MORN3: variants seen among roughly 807,000 people sequenced by gnomAD.
MORN3 encodes the protein MORN repeat containing 3.
In MORN3, 38 loss-of-function variants were observed where a neutral mutation model predicts 34.7. That is an observed-to-expected ratio of 1.10 (90% CI 0.85 to 1.44). The LOEUF (loss-of-function observed/expected upper bound fraction) is 1.44. Among genes scored for constraint, MORN3 ranks in the 40% most tolerant of loss-of-function variants. The probability of loss-of-function intolerance (pLI) is 0.00; values close to 1 mark genes in which losing one functional copy is unlikely to be tolerated. For synonymous variants in MORN3, 109 were observed against 115.3 expected (o/e 0.95, Z 0.35); for missense variants, 311 against 321.7 (o/e 0.97, Z 0.25).
intron 1 of MORN3, among the ~76,000 whole-genome samples, chr12:121,665,764 CAAAA>C (rs59071462): frequency 2.0e-4 from 10 of 50,578 alleles, no homozygotes; most frequent in Non-Finnish European, 3.5e-4. Flanking sequence ...GACTCTGTCT[CAAAA>C]AAAAAAAAAA....
chr12:121,667,858 G>GGACT (rs1893819353), intron 1 of MORN3, among the ~76,000 whole-genome samples: 1 of 151,836 alleles, frequency 6.6e-6, no homozygotes, highest in African/African-American at 2.4e-5. Context: ...CGAGTAGCTG[G>GGACT]GACTACAGGC....
At chr12:121,668,722 C>CA (rs537738625) in intron 1 of MORN3, among the ~76,000 whole-genome samples, 18 of 149,698 alleles carry the variant, frequency 1.2e-4, no homozygotes, top group South Asian at 1.1e-3. Flanking sequence ...CTTGTCCCCT[C>CA]AAAAAAAAAG....
intron 1 of MORN3, among the ~76,000 whole-genome samples, chr12:121,661,876 A>G (rs963832321): frequency 6.6e-5 from 10 of 151,514 alleles, no homozygotes; most frequent in Non-Finnish European, 1.5e-4. Context: ...ACTGTGAAAG[A>G]AAGAAAGAGA....
At chr12:121,654,585 A>G in intron 2 of MORN3, 152 bp from the exon 3 acceptor site, 1 of 817,650 alleles carries the variant, frequency 1.2e-6, no homozygotes, top group South Asian at 2.0e-5. Context: ...TTAGCGGAGT[A>G]TCCTGTCTTT....
At chr12:121,658,301 T>C (rs1555325908) in intron 2 of MORN3, among the ~76,000 whole-genome samples, 2 of 151,948 alleles carry the variant, frequency 1.3e-5, no homozygotes, top group Admixed American at 1.3e-4. Context: ...GCGCGGTGGC[T>C]CACGCCTGTA....
At chr12:121,657,459 C>T (rs1893445064) in intron 2 of MORN3, among the ~76,000 whole-genome samples, 1 of 152,182 alleles carries the variant, frequency 6.6e-6, no homozygotes. Flanking sequence ...AGCTTTGACT[C>T]CCTGTGATTT....
upstream of MORN3, among the ~76,000 whole-genome samples, chr12:121,670,412 G>A (rs1173663573): frequency 5.9e-5 from 9 of 152,106 alleles, no homozygotes; most frequent in Admixed American, 5.9e-4. Flanking sequence ...GCAGTAAGCC[G>A]AGATCATGCC....
Position 121,649,651 on chromosome 12 carries a change from TG to T in MORN3, c.*1999del. ...TTTATTGAGGCTTTACTATGTGCTA[TG>T]TGCCTCTTGCTGAGGTCTTAGCTAG... On this transcript the variant is annotated 3_prime_UTR_variant, in exon 6 of 6. Transcript: ENST00000355329. The T allele has an allele frequency of 6.6e-6, 1 of 152,026 alleles. No homozygotes were observed. The highest frequency in any genetic ancestry group is 1.9e-4 in the East Asian group (1 of 5,180). 9.4% of individuals were successfully genotyped at this position (152,026 alleles called of 1,614,324 possible). A position where few individuals can be genotyped will look rare whatever the true frequency, so the allele number is the denominator to read the frequency against.
At chr12:121,659,870 G>A (rs1295898132) in intron 1 of MORN3, among the ~76,000 whole-genome samples, 2 of 151,850 alleles carry the variant, frequency 1.3e-5, no homozygotes, top group Non-Finnish European at 2.9e-5. Flanking sequence ...TCGCATGCCT[G>A]TCTTTTCCAG....
At chr12:121,656,981 C>G (rs577427160) in intron 2 of MORN3, among the ~76,000 whole-genome samples, 8 of 152,178 alleles carry the variant, frequency 5.3e-5, no homozygotes, top group Admixed American at 1.3e-4. Flanking sequence ...AAACCCTGGG[C>G]TCTACCACTT....
chr12:121,659,156 C>T, intron 2 of MORN3, 35 bp downstream of exon 2: 1 of 1,605,904 alleles, frequency 6.2e-7, no homozygotes, highest in Non-Finnish European at 8.5e-7. Flanking sequence ...CACACACACA[C>T]ACACACACAC....
In MORN3 at chr12:121,654,168, C is replaced by T. The variant is rs1157713366; in HGVS notation, c.463+106G>A. The T allele has an allele frequency of 3.9e-5, 35 of 896,190 alleles. No individual in the cohort carries two copies. The East Asian group carries it at 5.3e-4, about 14-fold the overall frequency. 55.5% of individuals were successfully genotyped at this position (896,190 alleles called of 1,614,324 possible). A position where few individuals can be genotyped will look rare whatever the true frequency, so the allele number is the denominator to read the frequency against. Reference sequence around the variant, plus strand: ...CATTGACACAAGGGTCAGTGTGGGACAAGAGTGTGGGGTGTGGCCTGTCTC... The same window carrying T: ...CATTGACACAAGGGTCAGTGTGGGATAAGAGTGTGGGGTGTGGCCTGTCTC... On this transcript the variant is annotated intron_variant, in intron 3 of 5. Coordinates refer to ENST00000355329, the MANE Select transcript of MORN3 (RefSeq NM_173855.5).
upstream of MORN3, among the ~76,000 whole-genome samples, chr12:121,671,174 G>A (rs1202216703): frequency 2.0e-5 from 3 of 150,760 alleles, no homozygotes; most frequent in East Asian, 2.0e-4. Context: ...TTGGGAGGCC[G>A]AGGCGGGTGG....
intron 2 of MORN3, among the ~76,000 whole-genome samples, chr12:121,658,403 G>A (rs1893473114): frequency 6.6e-6 from 1 of 151,340 alleles, no homozygotes; most frequent in Non-Finnish European, 1.5e-5. Context: ...CGTCTTTACT[G>A]AAAATACAAA....
At chr12:121,659,677 G>C (rs960416525) in intron 1 of MORN3, among the ~76,000 whole-genome samples, 1 of 151,682 alleles carries the variant, frequency 6.6e-6, no homozygotes, top group Non-Finnish European at 1.5e-5. Context: ...TAGGACTACA[G>C]GTGTGCGCCA....
At chr12:121,652,124 T>C (rs1157905749) in intron 5 of MORN3, among the ~76,000 whole-genome samples, 7 of 152,004 alleles carry the variant, frequency 4.6e-5, no homozygotes, top group African/African-American at 1.7e-4. Context: ...TTAGTACAGA[T>C]GGGGTTTCAC....
Position 121,654,451 on chromosome 12 carries a change from C to G in MORN3, c.304-18G>C. On this transcript the variant is annotated intron_variant, in intron 2 of 5. Transcript: ENST00000355329. The stretch of plus-strand genomic sequence containing the variant: ...CCATAACCCTGAAAGTACGAAGATG[C>G]TACTACTCAGGGCGCCCCCCAACAC... 1 of 1,566,496 alleles carries G rather than the reference C, an allele frequency of 6.4e-7. No individual in the cohort carries two copies. The highest frequency in any genetic ancestry group is 1.2e-5 in the South Asian group (1 of 85,136).
intron 2 of MORN3, 24 bp downstream of exon 2, chr12:121,659,164 CACA>C (rs765548024): frequency 7.3e-5 from 118 of 1,607,742 alleles, no homozygotes; most frequent in African/African-American, 7.0e-4. Flanking sequence ...CACACACACA[CACA>C]CCCCGGCTGG....
At chr12:121,660,053 G>A (rs1228208787) in intron 1 of MORN3, among the ~76,000 whole-genome samples, 1 of 151,442 alleles carries the variant, frequency 6.6e-6, no homozygotes, top group Non-Finnish European at 1.5e-5. Flanking sequence ...GACCAAAATG[G>A]CGAAACCCTG....
Sources: gnomAD v4.1 joint callset for allele counts (sites outside exome capture counted in the v4.1 genomes callset) on GRCh38, gnomAD v4.1.1 for gene constraint, MANE v1.5 for transcripts, NCBI Gene and HGNC (gene_info 2026-07-23, HGNC 2026-07-21) for gene names.